The following ZYG11B variants were observed in gnomAD, a reference collection of about 807,000 sequenced individuals.
ZYG11B encodes zyg-11 family member B, cell cycle regulator, also known as protein zyg-11 homolog B.
A neutral mutation model predicts 82.4 loss-of-function variants in ZYG11B; 36 were observed. The observed-to-expected ratio is 0.44, with a 90% CI of 0.33 to 0.58. The LOEUF is 0.58. Among genes scored for constraint, ZYG11B ranks in the 20% least tolerant of loss-of-function variants. ZYG11B has a pLI of 0.02. For synonymous variants in ZYG11B, 303 were observed against 312.8 expected (o/e 0.97, Z 0.33); for missense variants, 552 against 895.6 (o/e 0.62, Z 4.90).
rs749505639 is a variant in ZYG11B at position 52,772,073 on chromosome 1, G to A, written c.951+299G>A. 33 of 745,762 alleles carry A rather than the reference G, an allele frequency of 4.4e-5. No homozygotes were observed. In the Admixed American group the frequency reaches 5.6e-4, roughly 13 times the overall value. 46.2% of individuals were successfully genotyped at this position (745,762 alleles called of 1,614,324 possible). A position where few individuals can be genotyped will look rare whatever the true frequency, so the allele number is the denominator to read the frequency against. ...CGTAGTAGGTCCTGGCTAAACAATA[G>A]GTTGTCTTATGATGATAATGTTTAG... On this transcript the variant is annotated intron_variant, in intron 3 of 13. Transcript: ENST00000294353.
At chr1:52,732,857 C>G (rs1644345412) in intron 1 of ZYG11B, among the ~76,000 whole-genome samples, 1 of 152,028 alleles carries the variant, frequency 6.6e-6, no homozygotes. Flanking sequence ...GCCTGTAATC[C>G]CAGCTACTCC....
chr1:52,782,931 C>CTTTT (rs33945214), intron 4 of ZYG11B, among the ~76,000 whole-genome samples: 2 of 143,180 alleles, frequency 1.4e-5, no homozygotes, highest in Non-Finnish European at 1.5e-5. Context: ...TAGGCAATTC[C>CTTTT]TTTTTTTTTT....
chr1:52,767,099 G>A (rs1420868844), intron 2 of ZYG11B, among the ~76,000 whole-genome samples: 1 of 146,730 alleles, frequency 6.8e-6, no homozygotes, highest in Non-Finnish European at 1.5e-5. Context: ...ATATTATTTT[G>A]TTATGTTTTA....
rs1644880181 is a variant in ZYG11B at position 52,783,838 on chromosome 1, A to ATGTACATACACGTGTGTGCG, written c.1093-1038_1093-1037insGTACATACACGTGTGTGCGT. Among the ~76,000 whole-genome samples the ATGTACATACACGTGTGTGCG allele has an allele frequency of 3.9e-5, 4 of 101,764 alleles. 1 individual carries two copies. The highest frequency in any genetic ancestry group is 6.1e-4 in the South Asian group (2 of 3,274). 66.8% of individuals were successfully genotyped at this position (101,764 alleles called of 152,430 possible). ...CACGTATATGTATACATACGTGTGT[A>ATGTACATACACGTGTGTGCG]TATGTACATACACGTGTGTGTGTAT... On this transcript the variant is annotated intron_variant, in intron 4 of 13. Coordinates refer to ENST00000294353, the MANE Select transcript of ZYG11B (RefSeq NM_024646.3).
At chr1:52,740,910 G>T (rs573443078) in intron 1 of ZYG11B, among the ~76,000 whole-genome samples, 1 of 89,554 alleles carries the variant, frequency 1.1e-5, no homozygotes, top group Non-Finnish European at 1.9e-5. Flanking sequence ...AATGATTGCA[G>T]TTGGGGCGGG....
intron 1 of ZYG11B, among the ~76,000 whole-genome samples, chr1:52,737,961 A>G (rs1644391708): frequency 6.6e-6 from 1 of 152,244 alleles, no homozygotes; most frequent in Non-Finnish European, 1.5e-5. Context: ...CCTAAATGGC[A>G]CTTTTGACCT....
At position 52,824,435 on chromosome 1, in the gene ZYG11B, T is replaced by A. The variant is rs951734045; in HGVS notation, c.*2806T>A. The A allele has an allele frequency of 6.6e-6, 1 of 152,044 alleles. No homozygotes were observed. Among genetic ancestry groups the A allele is most frequent in the Non-Finnish European group, 1.5e-5 (1 of 68,036 alleles). 9.4% of individuals were successfully genotyped at this position (152,044 alleles called of 1,614,324 possible). On this transcript the variant is annotated 3_prime_UTR_variant, in exon 14 of 14. Coordinates refer to ENST00000294353, the MANE Select transcript of ZYG11B (RefSeq NM_024646.3). ...GTGGGTGGATCACAAGGTCAGGAGT[T>A]CAAGACCAGCCTGGCCCAAATGGTG...
intron 10 of ZYG11B, among the ~76,000 whole-genome samples, 184 bp from the exon 11 acceptor site, chr1:52,813,352 T>C (rs1003882224): frequency 2.0e-5 from 3 of 152,208 alleles, no homozygotes; most frequent in African/African-American, 7.2e-5. Context: ...ACTGCTACTT[T>C]GTCTTTGGCT....
At chr1:52,768,404 C>G (rs1418418518) in intron 2 of ZYG11B, among the ~76,000 whole-genome samples, 1 of 152,144 alleles carries the variant, frequency 6.6e-6, no homozygotes, top group Non-Finnish European at 1.5e-5. Context: ...CACCTTCAGC[C>G]TCATTTCTTC....
chr1:52,783,265 C>T (rs1210391083), intron 4 of ZYG11B, among the ~76,000 whole-genome samples: 1 of 150,886 alleles, frequency 6.6e-6, no homozygotes, highest in Non-Finnish European at 1.5e-5. Flanking sequence ...CAAAGGGGAG[C>T]AAAGAAAAAA....
intron 1 of ZYG11B, among the ~76,000 whole-genome samples, chr1:52,751,771 A>G (rs1644526566): frequency 6.6e-6 from 1 of 152,126 alleles, no homozygotes; most frequent in Non-Finnish European, 1.5e-5. Flanking sequence ...GAGCCCCTAG[A>G]TAACTTCTTT....
intron 8 of ZYG11B, among the ~76,000 whole-genome samples, chr1:52,797,371 TATA>T (rs1342201110): frequency 9.5e-6 from 1 of 105,180 alleles, no homozygotes; most frequent in African/African-American, 3.9e-5. Flanking sequence ...ACATATAATA[TATA>T]ATATATAATA....
chr1:52,753,424 C>CTTT (rs3082846), intron 1 of ZYG11B, among the ~76,000 whole-genome samples: 3 of 137,250 alleles, frequency 2.2e-5, no homozygotes, highest in Non-Finnish European at 3.1e-5. Flanking sequence ...TGTTGTTGTT[C>CTTT]TTTTTTTTTT....
At chr1:52,779,038 C>T (rs1221068732) in intron 3 of ZYG11B, among the ~76,000 whole-genome samples, 1 of 152,016 alleles carries the variant, frequency 6.6e-6, no homozygotes, top group Non-Finnish European at 1.5e-5. Context: ...ATCAGTGGCT[C>T]AACAAAGACT....
intron 8 of ZYG11B, 143 bp from the exon 9 acceptor site, chr1:52,801,676 C>A: frequency 1.7e-6 from 1 of 600,948 alleles, no homozygotes; most frequent in Non-Finnish European, 2.8e-6. Flanking sequence ...AAGTTCAGTC[C>A]AAGGGGCTGT....
intron 2 of ZYG11B, among the ~76,000 whole-genome samples, chr1:52,757,675 A>G (rs1558123419): frequency 2.6e-5 from 4 of 151,938 alleles, no homozygotes; most frequent in African/African-American, 9.7e-5. Context: ...ACTCTGTCTC[A>G]AAACAAACAA....
chr1:52,743,592 T>A (rs1644452508), intron 1 of ZYG11B, among the ~76,000 whole-genome samples: 1 of 152,028 alleles, frequency 6.6e-6, no homozygotes, highest in Non-Finnish European at 1.5e-5. Context: ...TGCACACCTG[T>A]AGTCCCACGT....
At chr1:52,772,669 G>T (rs1219141385) in intron 3 of ZYG11B, 1 of 777,552 alleles carries the variant, frequency 1.3e-6, no homozygotes, top group South Asian at 1.4e-5. Context: ...ATCAGGCAAC[G>T]AAAGGCTTGT....
At chr1:52,744,695 A>G (rs1212673205) in intron 1 of ZYG11B, among the ~76,000 whole-genome samples, 2 of 152,188 alleles carry the variant, frequency 1.3e-5, no homozygotes, top group Admixed American at 1.3e-4. Context: ...ACAAAAAGTT[A>G]GCCGGGCATG....
Sources: allele counts gnomAD v4.1 joint callset (sites outside exome capture counted in the v4.1 genomes callset), GRCh38; gene constraint gnomAD v4.1.1; transcripts MANE v1.5; gene names NCBI Gene and HGNC (gene_info 2026-07-23, HGNC 2026-07-21).